The following OTC variants were observed in gnomAD, a reference collection of about 807,000 sequenced individuals.
OTC encodes the protein ornithine transcarbamylase, mitochondrial.
OTC carries 3 observed loss-of-function variants against 30.3 expected under a neutral mutation model. The observed-to-expected ratio is 0.10, with a 90% CI of 0.05 to 0.26. The LOEUF (loss-of-function observed/expected upper bound fraction) is 0.26, where lower values mean the gene tolerates loss of function less well. Among genes scored for constraint, OTC ranks in the 10% least tolerant of loss-of-function variants. The probability of loss-of-function intolerance (pLI) is 1.00; values close to 1 mark genes in which losing one functional copy is unlikely to be tolerated. For missense variants in OTC, 194 were observed against 260.3 expected (o/e 0.75, Z 1.75); for synonymous variants, 111 against 99.7 (o/e 1.11, Z -0.67).
chrX:38,397,365 CTT>C (rs1336802561), intron 4 of OTC, among the ~76,000 whole-genome samples: 1 of 112,089 alleles, frequency 8.9e-6, no homozygotes, highest in East Asian at 2.8e-4. Flanking sequence ...ACAAATCACT[CTT>C]GTTTCCTGGC....
upstream of OTC, among the ~76,000 whole-genome samples, chrX:38,348,057 T>C (rs1261428472): frequency 8.9e-6 from 1 of 112,471 alleles, no homozygotes; most frequent in Non-Finnish European, 1.9e-5. Flanking sequence ...TTCTCAGTAA[T>C]AGGATAAATG....
intron 5 of OTC, 118 bp from the exon 6 acceptor site, chrX:38,403,500 C>T: frequency 2.5e-6 from 2 of 791,921 alleles, no homozygotes; most frequent in Non-Finnish European, 3.8e-6. Context: ...ATTGGGAATT[C>T]ATTCCTTCTA....
the OTC span, among the ~76,000 whole-genome samples, chrX:38,347,585 A>G: frequency 1.4e-4 from 16 of 112,215 alleles, no homozygotes; most frequent in East Asian, 2.2e-3. Context: ...AACTAGTAAC[A>G]CTCTGAAACA....
At chrX:38,367,270 C>T in intron 1 of OTC, 21 bp from the exon 2 acceptor site, 1 of 1,189,139 alleles carries the variant, frequency 8.4e-7, no homozygotes, top group Non-Finnish European at 1.1e-6. Context: ...ATATTTCTCC[C>T]TTTTAAATCT....
At chrX:38,390,286 T>C (rs2068423552) in intron 4 of OTC, among the ~76,000 whole-genome samples, 1 of 112,284 alleles carries the variant, frequency 8.9e-6, no homozygotes, top group Non-Finnish European at 1.9e-5. Context: ...TTGATATAAC[T>C]AAAATCATCT....
chrX:38,340,481 T>G, the OTC span, among the ~76,000 whole-genome samples: 4 of 104,735 alleles, frequency 3.8e-5, no homozygotes, highest in South Asian at 8.7e-4. Flanking sequence ...TTGTTTTTTT[T>G]TTTTTTTGCA....
chrX:38,332,502 T>TCATATATATATATATA, the OTC span, among the ~76,000 whole-genome samples: 1 of 16,436 alleles, frequency 6.1e-5, no homozygotes, highest in African/African-American at 2.7e-4. Flanking sequence ...TAGCCCTAGA[T>TCATATATATATATATA]TTTATATATA....
intron 4 of OTC, among the ~76,000 whole-genome samples, chrX:38,384,081 C>T (rs770410337): frequency 1.8e-5 from 2 of 112,040 alleles, no homozygotes; most frequent in Non-Finnish European, 3.8e-5. Context: ...AAAGTTTGAA[C>T]CTCTGAGTGC....
chrX:38,402,797 G>GTAT (rs889053248), intron 5 of OTC, among the ~76,000 whole-genome samples: 2 of 110,430 alleles, frequency 1.8e-5, no homozygotes, highest in African/African-American at 3.3e-5. Context: ...ACAACCAACA[G>GTAT]TATTATTATT....
At chrX:38,387,130 AT>A (rs1208040271) in intron 4 of OTC, among the ~76,000 whole-genome samples, 1 of 111,395 alleles carries the variant, frequency 9.0e-6, no homozygotes, top group Non-Finnish European at 1.9e-5. Flanking sequence ...TCTTTTGCCT[AT>A]TTTTTTAATT....
chrX:38,350,774 T>C (rs1486107749), upstream of OTC, among the ~76,000 whole-genome samples: 1 of 111,312 alleles, frequency 9.0e-6, no homozygotes, highest in Non-Finnish European at 1.9e-5. Flanking sequence ...AAATGCTGCC[T>C]GTACTCTCTA....
chrX:38,339,233 G>C, the OTC span, among the ~76,000 whole-genome samples: 5 of 111,489 alleles, frequency 4.5e-5, no homozygotes, highest in Non-Finnish European at 9.4e-5. Context: ...CTCTGGAGGA[G>C]AGAGTTAAAC....
At chrX:38,422,271 A>AT (rs1393943561), downstream of OTC, among the ~76,000 whole-genome samples, 2 of 112,109 alleles carry the variant, frequency 1.8e-5, no homozygotes, top group African/African-American at 3.2e-5. Flanking sequence ...GCAATAAAAC[A>AT]TTTTTTGTGG....
chrX:38,343,941 G>C, the OTC span, among the ~76,000 whole-genome samples: 2 of 111,335 alleles, frequency 1.8e-5, no homozygotes, highest in Admixed American at 1.9e-4. Context: ...TTCCCCTAGG[G>C]CCCACCTGTT....
the OTC span, among the ~76,000 whole-genome samples, chrX:38,330,228 C>T: frequency 8.9e-6 from 1 of 111,906 alleles, no homozygotes; most frequent in African/African-American, 3.3e-5. Flanking sequence ...TGCAAGCAGC[C>T]TCTGAAAGCC....
At chrX:38,394,411 T>C (rs1466781377) in intron 4 of OTC, among the ~76,000 whole-genome samples, 1 of 112,301 alleles carries the variant, frequency 8.9e-6, no homozygotes, top group Non-Finnish European at 1.9e-5. Context: ...TTTACAATGC[T>C]GTTAGAAAAA....
chrX:38,348,551 T>C (rs1319059166), upstream of OTC, among the ~76,000 whole-genome samples: 2 of 104,754 alleles, frequency 1.9e-5, no homozygotes, highest in African/African-American at 7.0e-5. Context: ...CTTTTTTTTT[T>C]TTTGAGATGG....
At chrX:38,354,347 A>T (rs2068230561) in intron 1 of OTC, among the ~76,000 whole-genome samples, 1 of 112,355 alleles carries the variant, frequency 8.9e-6, no homozygotes, top group South Asian at 3.6e-4. Flanking sequence ...TCAGATAAAA[A>T]TGTGATGAAA....
intron 1 of OTC, among the ~76,000 whole-genome samples, 198 bp from the exon 2 acceptor site, chrX:38,367,093 G>A (rs1045135676): frequency 5.5e-5 from 6 of 108,155 alleles, no homozygotes; most frequent in Admixed American, 2.0e-4. Flanking sequence ...CAGGAGAATC[G>A]CTTGAACCTG....
Sources: allele counts gnomAD v4.1 joint callset (sites outside exome capture counted in the v4.1 genomes callset), GRCh38; gene constraint gnomAD v4.1.1; transcripts MANE v1.5; gene names NCBI Gene and HGNC (gene_info 2026-07-23, HGNC 2026-07-21).